GPC6: variants seen among roughly 807,000 people sequenced by gnomAD.
The protein encoded by GPC6 is glypican 6.
A neutral mutation model predicts 55.2 loss-of-function variants in GPC6; 14 were observed. The observed-to-expected ratio is 0.25, with a 90% CI of 0.17 to 0.40. The LOEUF (loss-of-function observed/expected upper bound fraction) is 0.40, where lower values mean the gene tolerates loss of function less well. Among genes scored for constraint, GPC6 ranks in the 10% least tolerant of loss-of-function variants. The pLI, the probability that GPC6 is intolerant of heterozygous loss-of-function variation, is 1.00. For synonymous variants in GPC6, 278 were observed against 259.6 expected, an observed-to-expected ratio of 1.07 and a Z score of -0.68; for missense variants, 641 against 708.5, an observed-to-expected ratio of 0.90 and a Z score of 1.08.
chr13:93,975,006 A>G (rs1880452830), intron 3 of GPC6, among the ~76,000 whole-genome samples: 1 of 152,112 alleles, frequency 6.6e-6, no homozygotes, highest in African/African-American at 2.4e-5. Flanking sequence ...TCTTACCTAC[A>G]ATGCTAGTGA....
At chr13:94,092,612 T>A (rs1453924919) in intron 4 of GPC6, among the ~76,000 whole-genome samples, 1 of 152,128 alleles carries the variant, frequency 6.6e-6, no homozygotes, top group African/African-American at 2.4e-5. Flanking sequence ...CAGATATTTT[T>A]TGGAGATACT....
intron 1 of GPC6, among the ~76,000 whole-genome samples, chr13:93,369,479 A>C (rs1881375327): frequency 6.6e-6 from 1 of 152,126 alleles, no homozygotes; most frequent in South Asian, 2.1e-4. Flanking sequence ...GTTGTGACTT[A>C]CATTGTTTTA....
chr13:93,733,334 A>T (rs9524181), intron 2 of GPC6, among the ~76,000 whole-genome samples: 29,078 of 151,826 alleles, frequency 0.19, 3,616 homozygotes, highest in Non-Finnish European at 0.26. Context: ...AAATTTCAGG[A>T]TAAAAATTAT....
chr13:93,354,353 T>TTTTTGTTTTG (rs1555293306), intron 1 of GPC6, among the ~76,000 whole-genome samples: 1 of 133,862 alleles, frequency 7.5e-6, no homozygotes, highest in African/African-American at 2.9e-5. Context: ...TGGTAGATTT[T>TTTTTGTTTTG]TTTTTTTTTT....
chr13:94,315,649 C>T (rs973012793), intron 6 of GPC6, among the ~76,000 whole-genome samples: 1 of 152,194 alleles, frequency 6.6e-6, no homozygotes, highest in Non-Finnish European at 1.5e-5. Flanking sequence ...ACATTATCGA[C>T]CACAAACACT....
chr13:93,527,112 A>G (rs530192183), intron 1 of GPC6, among the ~76,000 whole-genome samples: 4 of 152,066 alleles, frequency 2.6e-5, no homozygotes, highest in African/African-American at 9.6e-5. Context: ...AAACAATGTT[A>G]TTTTGATATA....
intron 4 of GPC6, among the ~76,000 whole-genome samples, chr13:94,063,777 G>T (rs1441637872): frequency 6.6e-6 from 1 of 152,130 alleles, no homozygotes; most frequent in Non-Finnish European, 1.5e-5. Context: ...AGAGTTGTTA[G>T]CTAGACTAAT....
chr13:94,207,454 TGAG>T (rs1303205042), intron 4 of GPC6, among the ~76,000 whole-genome samples: 1 of 152,200 alleles, frequency 6.6e-6, no homozygotes, highest in African/African-American at 2.4e-5. Flanking sequence ...TGTCTTGTCC[TGAG>T]GTATATGGCT....
At chr13:93,343,795 T>C (rs768139030) in intron 1 of GPC6, among the ~76,000 whole-genome samples, 18 of 152,160 alleles carry the variant, frequency 1.2e-4, no homozygotes, top group Non-Finnish European at 2.2e-4. Flanking sequence ...GCTCCTTGGG[T>C]TCTTTCTGTT....
intron 2 of GPC6, among the ~76,000 whole-genome samples, chr13:93,697,723 G>T (rs965591709): frequency 1.3e-5 from 2 of 152,090 alleles, no homozygotes; most frequent in Non-Finnish European, 2.9e-5. Context: ...ATCATAAATT[G>T]CAGAGTCCTT....
chr13:94,018,696 C>A (rs1366361804), intron 3 of GPC6, among the ~76,000 whole-genome samples: 2 of 152,142 alleles, frequency 1.3e-5, no homozygotes, highest in Non-Finnish European at 2.9e-5. Flanking sequence ...GGGTCCCCAA[C>A]CCCCCAGCCG....
intron 3 of GPC6, among the ~76,000 whole-genome samples, chr13:93,955,320 A>T (rs999149011): frequency 1.3e-5 from 2 of 150,778 alleles, no homozygotes; most frequent in African/African-American, 4.9e-5. Context: ...ATTTTCAGTA[A>T]TAATACAGTC....
intron 1 of GPC6, among the ~76,000 whole-genome samples, chr13:93,382,406 A>T (rs920548814): frequency 3.3e-5 from 5 of 152,152 alleles, no homozygotes; most frequent in Non-Finnish European, 7.4e-5. Context: ...AGCTTTTTCA[A>T]TCGATTTAAT....
At chr13:94,260,584 A>G (rs1332783184) in intron 4 of GPC6, among the ~76,000 whole-genome samples, 1 of 152,138 alleles carries the variant, frequency 6.6e-6, no homozygotes, top group Non-Finnish European at 1.5e-5. Context: ...ATATGACCAC[A>G]TTTTACTTTA....
At chr13:93,981,996 G>T (rs962130390) in intron 3 of GPC6, among the ~76,000 whole-genome samples, 1 of 151,788 alleles carries the variant, frequency 6.6e-6, no homozygotes, top group Non-Finnish European at 1.5e-5. Context: ...AATCATAATA[G>T]CACTGCAGAA....
At chr13:94,149,164 C>T (rs1189478554) in intron 4 of GPC6, among the ~76,000 whole-genome samples, 3 of 152,056 alleles carry the variant, frequency 2.0e-5, no homozygotes, top group African/African-American at 4.8e-5. Context: ...TCTTTGTGTG[C>T]CTCCCTTCCC....
intron 1 of GPC6, among the ~76,000 whole-genome samples, chr13:93,366,982 G>A (rs547486375): frequency 6.6e-6 from 1 of 151,980 alleles, no homozygotes; most frequent in African/African-American, 2.4e-5. Context: ...GAGATACAGT[G>A]GACACTATTC....
intron 5 of GPC6, among the ~76,000 whole-genome samples, chr13:94,294,385 G>T (rs1193803533): frequency 6.7e-6 from 1 of 148,440 alleles, no homozygotes; most frequent in East Asian, 2.0e-4. Context: ...TGGCCTTCAG[G>T]TACTTAATTT....
At chr13:93,999,937 A>T (rs895138180) in intron 3 of GPC6, among the ~76,000 whole-genome samples, 1 of 152,188 alleles carries the variant, frequency 6.6e-6, no homozygotes, top group African/African-American at 2.4e-5. Flanking sequence ...ATGACTCATC[A>T]ATTTGATTTT....
Sources: gnomAD v4.1 joint callset for allele counts (sites outside exome capture counted in the v4.1 genomes callset) on GRCh38, gnomAD v4.1.1 for gene constraint, MANE v1.5 for transcripts, NCBI Gene and HGNC (gene_info 2026-07-23, HGNC 2026-07-21) for gene names.